Variants in PLXDC2 observed in about 807,000 individuals in gnomAD.
PLXDC2 encodes plexin domain containing 2, also known as plexin domain-containing protein 2.
PLXDC2 carries 40 observed loss-of-function variants against 68.9 expected under a neutral mutation model. That is an observed-to-expected ratio of 0.58 (90% CI 0.45 to 0.76). PLXDC2 has a LOEUF of 0.76. PLXDC2 is among the 30% of genes least tolerant of loss of function. PLXDC2 has a pLI of 0.00. For missense variants in PLXDC2, 644 were observed against 661.9 expected (o/e 0.97, Z 0.30); for synonymous variants, 243 against 234.2 (o/e 1.04, Z -0.34).
intron 1 of PLXDC2, among the ~76,000 whole-genome samples, chr10:19,976,688 C>G (rs2131616329): frequency 6.6e-6 from 1 of 152,272 alleles, no homozygotes; most frequent in African/African-American, 2.4e-5. Flanking sequence ...CTCATCATTG[C>G]TGGGAAACTT....
At chr10:20,204,955 A>C (rs930929352) in intron 9 of PLXDC2, among the ~76,000 whole-genome samples, 60 of 152,186 alleles carry the variant, frequency 3.9e-4, no homozygotes, top group African/African-American at 1.4e-3. Flanking sequence ...GGTGGAATGA[A>C]ACATGTTCAA....
At chr10:19,945,668 A>C (rs2131401789) in intron 1 of PLXDC2, among the ~76,000 whole-genome samples, 1 of 152,292 alleles carries the variant, frequency 6.6e-6, no homozygotes, top group Non-Finnish European at 1.5e-5. Context: ...AGAGGACTCC[A>C]CAGTGTTTCC....
chr10:20,222,383 T>C (rs1255679581), intron 12 of PLXDC2, among the ~76,000 whole-genome samples: 1 of 152,180 alleles, frequency 6.6e-6, no homozygotes, highest in Non-Finnish European at 1.5e-5. Context: ...CACAACAGGG[T>C]TTCTCATTGA....
At chr10:19,848,457 G>A (rs897620577) in intron 1 of PLXDC2, among the ~76,000 whole-genome samples, 3 of 152,124 alleles carry the variant, frequency 2.0e-5, no homozygotes, top group Non-Finnish European at 2.9e-5. Context: ...GTTTCTTGAC[G>A]CAGGAGGCAT....
chr10:20,108,776 C>T (rs541453187), intron 4 of PLXDC2, among the ~76,000 whole-genome samples: 13 of 152,202 alleles, frequency 8.5e-5, no homozygotes, highest in Admixed American at 3.3e-4. Context: ...AAACCTTCCA[C>T]GTATCTGCCT....
chr10:20,012,302 T>G (rs1835128907), intron 2 of PLXDC2, among the ~76,000 whole-genome samples: 1 of 80,358 alleles, frequency 1.2e-5, no homozygotes, highest in African/African-American at 5.5e-5. Context: ...TCTCTCTCTC[T>G]CTTTTTTATT....
At chr10:19,887,652 T>A (rs904179821) in intron 1 of PLXDC2, among the ~76,000 whole-genome samples, 1 of 152,190 alleles carries the variant, frequency 6.6e-6, no homozygotes, top group African/African-American at 2.4e-5. Flanking sequence ...TGTTCACAAG[T>A]GTATGTCACA....
chr10:20,164,805 C>T (rs1834352319), intron 7 of PLXDC2, among the ~76,000 whole-genome samples: 1 of 151,978 alleles, frequency 6.6e-6, no homozygotes, highest in Admixed American at 6.6e-5. Context: ...ATTTTGGACT[C>T]TTTTTCTTGG....
At chr10:19,852,729 A>G (rs1045480916) in intron 1 of PLXDC2, among the ~76,000 whole-genome samples, 5 of 152,192 alleles carry the variant, frequency 3.3e-5, no homozygotes, top group African/African-American at 1.2e-4. Context: ...TTTAGTTAAT[A>G]AAAAATCTGT....
chr10:19,840,453 G>A (rs1289955675), intron 1 of PLXDC2, among the ~76,000 whole-genome samples: 1 of 152,034 alleles, frequency 6.6e-6, no homozygotes, highest in Admixed American at 6.6e-5. Context: ...CATAGTTGTG[G>A]TGGCAGGCTC....
chr10:20,230,470 G>C (rs1269103801), intron 12 of PLXDC2, among the ~76,000 whole-genome samples: 1 of 151,914 alleles, frequency 6.6e-6, no homozygotes, highest in Non-Finnish European at 1.5e-5. Flanking sequence ...AGGAGTTTGA[G>C]ACCAGCCTGG....
chr10:20,071,501 T>C (rs1836315150), intron 4 of PLXDC2, among the ~76,000 whole-genome samples: 1 of 152,080 alleles, frequency 6.6e-6, no homozygotes, highest in Non-Finnish European at 1.5e-5. Flanking sequence ...TCTCAGGAGA[T>C]CTGATGATTT....
chr10:20,022,185 G>T (rs1005606926), intron 2 of PLXDC2, among the ~76,000 whole-genome samples: 11 of 152,160 alleles, frequency 7.2e-5, no homozygotes, highest in Non-Finnish European at 1.5e-4. Flanking sequence ...ACACGTTAAA[G>T]CAATAAGGTT....
intron 12 of PLXDC2, among the ~76,000 whole-genome samples, chr10:20,223,704 A>T (rs1441060121): frequency 1.3e-5 from 2 of 152,140 alleles, no homozygotes; most frequent in Non-Finnish European, 2.9e-5. Context: ...ATAACAACTG[A>T]TTATACTTAA....
intron 1 of PLXDC2, among the ~76,000 whole-genome samples, chr10:19,977,771 C>CT (rs983725462): frequency 2.0e-4 from 30 of 151,998 alleles, no homozygotes; most frequent in Admixed American, 7.9e-4. Context: ...ATGTGTCTTT[C>CT]TTTTTTTTAT....
chr10:20,152,270 A>C (rs963144220), intron 6 of PLXDC2, among the ~76,000 whole-genome samples: 7 of 152,170 alleles, frequency 4.6e-5, no homozygotes, highest in African/African-American at 1.7e-4. Flanking sequence ...GCTGCTTAAA[A>C]TAAGAATGAA....
chr10:19,867,064 CTTTTTTTTTT>C (rs61651939), intron 1 of PLXDC2, among the ~76,000 whole-genome samples: 1 of 124,712 alleles, frequency 8.0e-6, no homozygotes, highest in Non-Finnish European at 1.6e-5. Context: ...TCCTTTCCCT[CTTTTTTTTTT>C]TTTTTTTTTT....
intron 6 of PLXDC2, 86 bp downstream of exon 6, chr10:20,147,988 C>A: frequency 2.2e-6 from 2 of 896,894 alleles, no homozygotes; most frequent in Non-Finnish European, 3.6e-6. Flanking sequence ...GGACATTTTA[C>A]AGCCATGATC....
intron 1 of PLXDC2, among the ~76,000 whole-genome samples, chr10:19,989,357 A>G (rs10827919): frequency 0.33 from 50,511 of 152,004 alleles, 8,746 homozygotes; most frequent in East Asian, 0.51. Flanking sequence ...AAATGATTGC[A>G]GTTGTTCACA....
Sources: allele counts gnomAD v4.1 joint callset (sites outside exome capture counted in the v4.1 genomes callset), GRCh38; gene constraint gnomAD v4.1.1; transcripts MANE v1.5; gene names NCBI Gene and HGNC (gene_info 2026-07-23, HGNC 2026-07-21).